ADAMTS20: variants seen among roughly 807,000 people sequenced by gnomAD.
ADAMTS20 encodes the protein A disintegrin and metalloproteinase with thrombospondin motifs 20.
A neutral mutation model predicts 260.1 loss-of-function variants in ADAMTS20; 225 were observed. That is an observed-to-expected ratio of 0.87 (90% CI 0.78 to 0.97). ADAMTS20 has a LOEUF of 0.97. ADAMTS20 is among the 50% of genes least tolerant of loss of function. The probability of loss-of-function intolerance (pLI) is 0.00; values close to 1 mark genes in which losing one functional copy is unlikely to be tolerated. For synonymous variants in ADAMTS20, 802 were observed against 769.5 expected, an observed-to-expected ratio of 1.04 and a Z score of -0.70; for missense variants, 2,400 against 2,337.7, an observed-to-expected ratio of 1.03 and a Z score of -0.55.
intron 3 of ADAMTS20, among the ~76,000 whole-genome samples, chr12:43,515,080 T>C (rs1404227624): frequency 6.6e-6 from 1 of 152,170 alleles, no homozygotes; most frequent in African/African-American, 2.4e-5. Flanking sequence ...TCCCTTTTGT[T>C]TTTCAAACTT....
At chr12:43,398,089 G>A (rs1206272550) in intron 29 of ADAMTS20, among the ~76,000 whole-genome samples, 3 of 152,154 alleles carry the variant, frequency 2.0e-5, no homozygotes, top group Admixed American at 2.0e-4. Context: ...GAAGATGGGT[G>A]TCTTTTTCCT....
chr12:43,484,635 A>AT (rs1443647020), intron 7 of ADAMTS20, among the ~76,000 whole-genome samples: 5 of 152,152 alleles, frequency 3.3e-5, no homozygotes, highest in Non-Finnish European at 7.4e-5. Flanking sequence ...CAATCAGACA[A>AT]TTTTTTTAAA....
intron 7 of ADAMTS20, among the ~76,000 whole-genome samples, chr12:43,481,822 G>T (rs1592091767): frequency 1.3e-5 from 2 of 152,136 alleles, no homozygotes; most frequent in East Asian, 1.9e-4. Flanking sequence ...CTCACACTGT[G>T]AACTTTTTTC....
At chr12:43,449,779 A>C (rs2137346582) in intron 14 of ADAMTS20, among the ~76,000 whole-genome samples, 1 of 152,300 alleles carries the variant, frequency 6.6e-6, no homozygotes, top group South Asian at 2.1e-4. Context: ...GTTGTATGTA[A>C]CATTTTCACA....
At chr12:43,486,330 G>T (rs891292233) in intron 7 of ADAMTS20, among the ~76,000 whole-genome samples, 7 of 152,080 alleles carry the variant, frequency 4.6e-5, no homozygotes, top group Non-Finnish European at 7.4e-5. Flanking sequence ...ATTGGGGAAA[G>T]AATACCCTAT....
chr12:43,425,763 A>T, intron 27 of ADAMTS20, 73 bp from the exon 28 acceptor site: 1 of 1,022,494 alleles, frequency 9.8e-7, no homozygotes. Context: ...TCAATGTTTA[A>T]ACATAATTAG....
chr12:43,443,528 A>C (rs1941705017), intron 16 of ADAMTS20, among the ~76,000 whole-genome samples: 1 of 152,208 alleles, frequency 6.6e-6, no homozygotes, highest in African/African-American at 2.4e-5. Context: ...CAACTAATTG[A>C]ATATAATTTC....
chr12:43,526,238 G>A (rs562074857), intron 3 of ADAMTS20, among the ~76,000 whole-genome samples: 2 of 152,256 alleles, frequency 1.3e-5, no homozygotes, highest in South Asian at 2.1e-4. Context: ...GGTGGATCAC[G>A]AGGTCAGGAG....
chr12:43,474,037 A>T (rs931188491), intron 7 of ADAMTS20, among the ~76,000 whole-genome samples: 1 of 151,866 alleles, frequency 6.6e-6, no homozygotes, highest in Non-Finnish European at 1.5e-5. Context: ...CAAAAAATCA[A>T]TGAATCCAGG....
intron 7 of ADAMTS20, among the ~76,000 whole-genome samples, chr12:43,479,892 TAAAC>T (rs1239706228): frequency 2.0e-5 from 3 of 151,644 alleles, no homozygotes; most frequent in Admixed American, 2.0e-4. Context: ...AAAAGACAAA[TAAAC>T]AATATTTCAG....
intron 4 of ADAMTS20, among the ~76,000 whole-genome samples, chr12:43,494,864 A>T (rs560415063): frequency 1.3e-5 from 2 of 152,340 alleles, no homozygotes; most frequent in East Asian, 3.9e-4. Flanking sequence ...TGCTTTTCTA[A>T]GTCAAATTAC....
Position 43,356,564 on chromosome 12 carries a change from C to T in ADAMTS20, c.5563G>A (p.Gly1855Arg). ...PQGQFSINLS[G>R]TGMKISSTAK... ...GTGCTGGATATCTTCATCCCAGTTC[C>T]TGACAAATTAATGCTAAACTGTCCC... The change falls in exon 38 of 39, where the codon GGA (glycine) becomes AGA (arginine). Residue 1855 changes from glycine (G) to arginine (R), a missense_variant. Transcript: ENST00000389420. The T allele has an allele frequency of 6.2e-7, 1 of 1,611,486 alleles. No individual in the cohort carries two copies. Among genetic ancestry groups the T allele is most frequent in the Admixed American group, 1.7e-5 (1 of 59,762 alleles).
rs1565574462 is a variant in ADAMTS20 at position 43,502,302 on chromosome 12, AT to A, written c.716del (p.Asn239MetfsTer4). ...KERVLGHTSK[N>X]VPLKDERRHS... ...GTCTTCTTTCATCTTTCAATGGTACATTTTTTGATGTGTGTCCTAAAACTCT... is the reference window on the plus strand; with the variant it reads ...GTCTTCTTTCATCTTTCAATGGTACATTTTTGATGTGTGTCCTAAAACTCT... On this transcript the variant is annotated frameshift_variant, in exon 4 of 39. Coordinates refer to ENST00000389420, the MANE Select transcript of ADAMTS20 (RefSeq NM_025003.5). LOFTEE classifies it high-confidence loss of function. The A allele has an allele frequency of 6.2e-7, 1 of 1,612,438 alleles. No individual in the cohort carries two copies. The highest frequency in any genetic ancestry group is 1.1e-5 in the South Asian group (1 of 90,914).
chr12:43,386,532 G>A (rs1940481732), intron 29 of ADAMTS20, among the ~76,000 whole-genome samples: 1 of 152,146 alleles, frequency 6.6e-6, no homozygotes, highest in Admixed American at 6.5e-5. Context: ...ATGTTGGCCT[G>A]TCTTACTAGG....
chr12:43,528,740 G>A (rs1227312970), intron 3 of ADAMTS20, among the ~76,000 whole-genome samples: 3 of 152,018 alleles, frequency 2.0e-5, no homozygotes, highest in African/African-American at 7.2e-5. Flanking sequence ...TCTGGACATT[G>A]GCCTAGGCAA....
At chr12:43,408,093 C>A (rs1424897731) in intron 28 of ADAMTS20, among the ~76,000 whole-genome samples, 1 of 152,090 alleles carries the variant, frequency 6.6e-6, no homozygotes, top group Non-Finnish European at 1.5e-5. Context: ...GAGAACAATG[C>A]AAATCTTGTC....
chr12:43,532,315 A>G, intron 2 of ADAMTS20, 120 bp from the exon 3 acceptor site: 1 of 832,780 alleles, frequency 1.2e-6, no homozygotes, highest in Non-Finnish European at 1.8e-6. Context: ...GTTCACTAAG[A>G]GCCATCAACT....
chr12:43,395,373 T>G (rs1049477757), intron 29 of ADAMTS20, among the ~76,000 whole-genome samples: 2 of 152,166 alleles, frequency 1.3e-5, no homozygotes, highest in African/African-American at 4.8e-5. Flanking sequence ...TCTGAAAATA[T>G]AGAAATAAAG....
At chr12:43,456,643 G>C (rs765611470) in intron 11 of ADAMTS20, among the ~76,000 whole-genome samples, 1 of 152,182 alleles carries the variant, frequency 6.6e-6, no homozygotes, top group Non-Finnish European at 1.5e-5. Flanking sequence ...CTCACAGATG[G>C]AACAATGGCA....
Sources: allele counts gnomAD v4.1 joint callset (sites outside exome capture counted in the v4.1 genomes callset), GRCh38; gene constraint gnomAD v4.1.1; transcripts MANE v1.5; gene names NCBI Gene and HGNC (gene_info 2026-07-23, HGNC 2026-07-21).